HMCN2: variants seen among roughly 807,000 people sequenced by gnomAD.
The protein encoded by HMCN2 is hemicentin 2.
Under a neutral mutation model 377.5 loss-of-function variants are expected in HMCN2, and 325 were observed. The observed-to-expected ratio is 0.86, with a 90% CI of 0.79 to 0.94. The LOEUF is 0.94. HMCN2 is among the 40% of genes least tolerant of loss of function. The pLI, the probability that HMCN2 is intolerant of heterozygous loss-of-function variation, is 0.00. For synonymous variants in HMCN2, 2,007 were observed against 2,046.8 expected (o/e 0.98, Z 0.53); for missense variants, 4,543 against 4,725.3 (o/e 0.96, Z 1.13).
intron 14 of HMCN2, among the ~76,000 whole-genome samples, chr9:130,309,539 GA>G (rs1421510464): frequency 1.4e-5 from 2 of 142,508 alleles, no homozygotes; most frequent in Admixed American, 7.0e-5. Context: ...AAAAAAAAAG[GA>G]AAAAAAAGAA....
Position 130,431,166 on chromosome 9 carries a change from A to AG in HMCN2, c.14648-199dup. 1.7e-5 allele frequency: 10 copies of AG among 603,386 alleles called. No individual in the cohort carries two copies. In the South Asian group the frequency reaches 2.0e-4, roughly 12 times the overall value. 37.4% of individuals were successfully genotyped at this position (603,386 alleles called of 1,614,324 possible). The stretch of plus-strand genomic sequence containing the variant: ...TTCTATGCCTTGGTGAGCACGGGGT[A>AG]GGTAAGGTGGGGCTCCTCCCTCTCA... On this transcript the variant is annotated intron_variant, in intron 95 of 97. Coordinates refer to ENST00000683500, the MANE Select transcript of HMCN2 (RefSeq NM_001291815.2).
At chr9:130,349,689 G>A (rs1213991002) in intron 29 of HMCN2, 26 bp downstream of exon 29, 53 of 1,297,388 alleles carry the variant, frequency 4.1e-5, no homozygotes, top group Non-Finnish European at 5.1e-5. Context: ...CCCGAGGATG[G>A]CGTGTGGTGG....
At position 130,351,368 on chromosome 9, in the gene HMCN2, T is replaced by C; in HGVS notation, c.4431-55T>C. 8.0e-7 allele frequency: 1 copy of C among 1,253,320 alleles called. No homozygotes were observed. Among genetic ancestry groups the C allele is most frequent in the Non-Finnish European group, 1.0e-6 (1 of 954,586 alleles). 77.6% of individuals were successfully genotyped at this position (1,253,320 alleles called of 1,614,324 possible). On this transcript the variant is annotated intron_variant, in intron 29 of 97. Coordinates refer to ENST00000683500, the MANE Select transcript of HMCN2 (RefSeq NM_001291815.2). The surrounding 1 kb of genome is among the most constrained non-coding windows in gnomAD (Gnocchi z 5.4). ...AGCCACACACTCCCTGTGTGCAGCG[T>C]GTCCCATCCAGCCCCTCGGCCTTAC...
At position 130,360,379 on chromosome 9, in the gene HMCN2, C is replaced by G; in HGVS notation, c.5774-49C>G. On this transcript the variant is annotated intron_variant, in intron 37 of 97. Transcript: ENST00000683500. The surrounding 1 kb of genome is among the most constrained non-coding windows in gnomAD (Gnocchi z 4.7). ...CCCCTTACTTCTCTCTTCCATTCCCCCTTGCTTCTCTCTTCCTTTCCCCCT... is the reference window on the plus strand; with the variant it reads ...CCCCTTACTTCTCTCTTCCATTCCCGCTTGCTTCTCTCTTCCTTTCCCCCT... 9.1e-7 allele frequency: 1 copy of G among 1,101,568 alleles called. No homozygotes were observed. The highest frequency in any genetic ancestry group is 1.2e-6 in the Non-Finnish European group (1 of 848,342). 68.2% of individuals were successfully genotyped at this position (1,101,568 alleles called of 1,614,324 possible). A position where few individuals can be genotyped will look rare whatever the true frequency, so the allele number is the denominator to read the frequency against.
chr9:130,342,858 T>C lies in HMCN2; in HGVS notation c.3829+422T>C, dbSNP rs1404911930. Among the ~76,000 whole-genome samples the C allele has an allele frequency of 9.8e-5, 15 of 152,294 alleles. No individual in the cohort carries two copies. The East Asian group carries it at 2.3e-3, about 24-fold the overall frequency. On this transcript the variant is annotated intron_variant, in intron 25 of 97. Transcript: ENST00000683500. ...CCACAGAGGATGGATTCAGTGGTTC[T>C]GGCCAAAGCAGCTTTTCTGGGCTTG...
chr9:130,273,417 T>A (rs540827212), intron 1 of HMCN2, among the ~76,000 whole-genome samples: 1 of 152,326 alleles, frequency 6.6e-6, no homozygotes, highest in Non-Finnish European at 1.5e-5. Context: ...ATTTCACGTT[T>A]TAAGTGTTTT....
Position 130,346,054 on chromosome 9 carries a change from T to C in HMCN2, c.3830-1112T>C, listed in dbSNP as rs961461782. On this transcript the variant is annotated intron_variant, in intron 25 of 97. Coordinates refer to ENST00000683500, the MANE Select transcript of HMCN2 (RefSeq NM_001291815.2). Reference sequence around the variant, plus strand: ...GGCCCTTTCTGATGATAATCAGTGTTAGCTACAACAGTCCTGATGACCAGC... The same window carrying C: ...GGCCCTTTCTGATGATAATCAGTGTCAGCTACAACAGTCCTGATGACCAGC... Among the ~76,000 whole-genome samples, 12 of 152,222 alleles carry C rather than the reference T, an allele frequency of 7.9e-5. No homozygotes were observed. In the South Asian group the frequency reaches 1.0e-3, roughly 13 times the overall value.
intron 1 of HMCN2, among the ~76,000 whole-genome samples, chr9:130,269,792 G>GT (rs11288770): frequency 0.077 from 10,875 of 141,092 alleles, 1,379 homozygotes; most frequent in Non-Finnish European, 0.11. Context: ...GATGTTATCT[G>GT]TTTTTTTTTT....
intron 36 of HMCN2, among the ~76,000 whole-genome samples, chr9:130,358,748 AC>A (rs1429251987): frequency 6.6e-6 from 1 of 150,570 alleles, no homozygotes; most frequent in Non-Finnish European, 1.5e-5. Flanking sequence ...ATCTCGGCTC[AC>A]CGCAAGCTCC....
Position 130,394,411 on chromosome 9 carries a change from C to T in HMCN2, c.10528C>T (p.Gln3510Ter), listed in dbSNP as rs1241882276. 2 of 1,289,700 alleles carry T rather than the reference C, an allele frequency of 1.6e-6. No homozygotes were observed. Among genetic ancestry groups the T allele is most frequent in the Non-Finnish European group, 1.0e-6 (1 of 988,796 alleles). The allele number at this position is 1,289,700 out of a possible 1,614,324, so 79.9% of individuals were successfully genotyped here. Residue 3510 changes from glutamine to a stop codon, truncating the protein, a stop_gained, in exon 69 of 98, where the codon CAG (glutamine) becomes TAG (stop). Transcript: ENST00000683500. LOFTEE classifies it high-confidence loss of function. The surrounding 1 kb of genome is among the most constrained non-coding windows in gnomAD (Gnocchi z 5.1). ...MEPPHIEDSG[Q>*]PTELSLTPGA... is the part of the protein sequence containing the mutation. ...GCCCCCTCACATTGAGGACTCAGGC[C>T]AGCCTACAGAGCTGTCGCTGACCCC...
intron 22 of HMCN2, among the ~76,000 whole-genome samples, chr9:130,335,374 G>A (rs2131454245): frequency 6.6e-6 from 1 of 152,274 alleles, no homozygotes; most frequent in East Asian, 1.9e-4. Context: ...TCAAGCTGGA[G>A]TGGCAGACAG....
chr9:130,294,817 G>A (rs1836025935), intron 4 of HMCN2, 38 bp from the exon 5 acceptor site: 1 of 385,964 alleles, frequency 2.6e-6, no homozygotes, highest in South Asian at 1.9e-5. Flanking sequence ...AGACATTGTG[G>A]GCACCTGCCG....
rs1838670900 is a variant in HMCN2, at chr9:130,335,053, T to G, written c.3360-2841T>G. 5.9e-5 allele frequency among the ~76,000 whole-genome samples: 9 copies of G among 152,244 alleles called. No individual in the cohort carries two copies. In the South Asian group the frequency reaches 1.9e-3, roughly 32 times the overall value. On this transcript the variant is annotated intron_variant, in intron 22 of 97. Coordinates refer to ENST00000683500, the MANE Select transcript of HMCN2 (RefSeq NM_001291815.2). ...GTCTCCTTGTGTTACCCAGACTGTG[T>G]GCTGCCTTTTCAAATATGAAATGGG... is the stretch of plus-strand genomic sequence containing the variant.
intron 15 of HMCN2, among the ~76,000 whole-genome samples, chr9:130,317,937 G>T (rs1837651653): frequency 6.6e-6 from 1 of 152,090 alleles, no homozygotes; most frequent in Admixed American, 6.5e-5. Flanking sequence ...GGGCTCTGCG[G>T]CTGGGCTGGG....
intron 14 of HMCN2, among the ~76,000 whole-genome samples, chr9:130,309,545 A>G (rs1837103063): frequency 6.6e-6 from 1 of 151,580 alleles, no homozygotes; most frequent in Non-Finnish European, 1.5e-5. Context: ...AAAGGAAAAA[A>G]AAGAAAAATG....
In HMCN2 at chr9:130,268,964, G is replaced by A. The variant is rs746894937; in HGVS notation, c.259+2827G>A. On this transcript the variant is annotated intron_variant, in intron 1 of 97. Coordinates refer to ENST00000683500, the MANE Select transcript of HMCN2 (RefSeq NM_001291815.2). Reference sequence around the variant, plus strand: ...AGTTTGGAACTGTGATTTAGGCCTGGCTGTGCCTTTTGAATCAGCAAATAG... The same window carrying A: ...AGTTTGGAACTGTGATTTAGGCCTGACTGTGCCTTTTGAATCAGCAAATAG... Among the ~76,000 whole-genome samples the A allele has an allele frequency of 4.2e-4, 63 of 149,118 alleles. 5 individuals carry two copies. Among genetic ancestry groups the A allele is most frequent in the Non-Finnish European group, 6.6e-4 (44 of 66,362 alleles).
At chr9:130,426,681 G>A (rs183814488) in intron 90 of HMCN2, among the ~76,000 whole-genome samples, 201 of 152,138 alleles carry the variant, frequency 1.3e-3, no homozygotes, top group African/African-American at 4.6e-3. Context: ...CCCACAGGCC[G>A]CATGCCACCC....
rs1412775865 is a variant in HMCN2 at position 130,337,269 on chromosome 9, A to C, written c.3360-625A>C. The stretch of plus-strand genomic sequence containing the variant: ...CTGAGCCAGACTGGGGAGGACAACG[A>C]TGGCAGCAGGGGTGGGGGCTCCACA... On this transcript the variant is annotated intron_variant, in intron 22 of 97. Coordinates refer to ENST00000683500, the MANE Select transcript of HMCN2 (RefSeq NM_001291815.2). Among the ~76,000 whole-genome samples, 6 of 152,142 alleles carry C rather than the reference A, an allele frequency of 3.9e-5. No homozygotes were observed. In the East Asian group the frequency reaches 1.2e-3, roughly 29 times the overall value.
rs535751244 is a variant in HMCN2, at chr9:130,306,257, C to T, written c.1945C>T (p.Gln649Ter). ...ISWSRESQALQEDSRIHVDAQ... is the reference protein window; with the variant it reads ...ISWSRESQAL ...CTGGAGCCGTGAGAGCCAAGCCCTA[C>T]AAGAGGACAGCAGGTGAGGGGCCCA... is the stretch of plus-strand genomic sequence containing the variant. Residue 649 changes from glutamine to a stop codon, truncating the protein, a stop_gained, in exon 12 of 98, where the codon CAA becomes TAA. Transcript: ENST00000683500. LOFTEE classifies it high-confidence loss of function. 4.2e-6 allele frequency: 2 copies of T among 471,130 alleles called. No individual in the cohort carries two copies. The highest frequency in any genetic ancestry group is 1.5e-5 in the South Asian group (1 of 64,560). The allele number at this position is 471,130 out of a possible 1,614,324, so 29.2% of individuals were successfully genotyped here. A position where few individuals can be genotyped will look rare whatever the true frequency, so the allele number is the denominator to read the frequency against.
Sources: gnomAD v4.1 joint callset for allele counts (sites outside exome capture counted in the v4.1 genomes callset) on GRCh38, gnomAD v4.1.1 for gene constraint, Gnocchi (gnomAD v3.1) non-coding constraint, MANE v1.5 for transcripts, NCBI Gene and HGNC (gene_info 2026-07-23, HGNC 2026-07-21) for gene names.